Variants in SNAP47 observed in about 807,000 individuals in gnomAD.
The protein encoded by SNAP47 is synaptosome associated protein 47.
A neutral mutation model predicts 31.4 loss-of-function variants in SNAP47; 20 were observed. The ratio of observed to expected loss-of-function variants is 0.64; its 90% confidence interval spans 0.45 to 0.93. The LOEUF (loss-of-function observed/expected upper bound fraction) is 0.93. SNAP47 is among the 40% of genes least tolerant of loss of function. The pLI is 0.00. For missense variants in SNAP47, 492 were observed against 528.5 expected (o/e 0.93, Z 0.68); for synonymous variants, 194 against 213.4 (o/e 0.91, Z 0.79).
chr1:227,769,899 T>G (rs1032228348), intron 4 of SNAP47, among the ~76,000 whole-genome samples: 28 of 152,170 alleles, frequency 1.8e-4, no homozygotes, highest in African/African-American at 6.5e-4. Flanking sequence ...GCCTCATCTG[T>G]CTTGTCCTGC....
At chr1:227,735,255 C>A (rs776321470), upstream of SNAP47, 280 of 1,602,842 alleles carry the variant, frequency 1.7e-4, 1 homozygote, top group Admixed American at 2.4e-4. Context: ...TCGGCGAGGG[C>A]GCGCGTCTCG....
In SNAP47 at chr1:227,748,016, A is replaced by G. The variant is rs775142423; in HGVS notation, c.280A>G (p.Ile94Val). The G allele has an allele frequency of 1.2e-6, 2 of 1,614,232 alleles. No homozygotes were observed. The highest frequency in any genetic ancestry group is 1.7e-6 in the Non-Finnish European group (2 of 1,180,032). Residue 94 changes from isoleucine (I) to valine (V), a missense_variant, in exon 2 of 5, where the codon ATC becomes GTC. Ile to Val is a conservative substitution (Grantham distance 29). Transcript: ENST00000617596. ...RPSRNVVFSI[I>V]EHFWRELLLS... ...AAGTCGAAATGTGGTCTTCAGCATCATCGAGCATTTCTGGAGGGAGCTGCT... is the reference window on the plus strand; with the variant it reads ...AAGTCGAAATGTGGTCTTCAGCATCGTCGAGCATTTCTGGAGGGAGCTGCT...
chr1:227,744,947 C>T (rs763740097), intron 1 of SNAP47, among the ~76,000 whole-genome samples: 11 of 152,136 alleles, frequency 7.2e-5, no homozygotes, highest in Non-Finnish European at 1.6e-4. Flanking sequence ...TTGCCTGAGC[C>T]CACAGCCTTG....
intron 1 of SNAP47, among the ~76,000 whole-genome samples, chr1:227,740,830 T>C (rs982828054): frequency 2.6e-5 from 4 of 152,040 alleles, no homozygotes; most frequent in South Asian, 2.1e-4. Flanking sequence ...CTGGTGCTGC[T>C]ACACTGGGGT....
At position 227,762,945 on chromosome 1, in the gene SNAP47, C is replaced by T. The variant is rs1184822574; in HGVS notation, c.988+3460C>T. 3.3e-5 allele frequency among the ~76,000 whole-genome samples: 5 copies of T among 152,106 alleles called. No individual in the cohort carries two copies. The highest frequency in any genetic ancestry group is 4.8e-5 in the African/African-American group (2 of 41,418). On this transcript the variant is annotated intron_variant, in intron 3 of 4. Transcript: ENST00000617596. This position sits in a 1 kb window ranked among gnomAD's most constrained non-coding sequence, Gnocchi z 4.2. ...TACCAAGGGACATGCACAGTATTTT[C>T]TTTTTCTTTTTATTTATTTTTTTCT...
chr1:227,771,770 T>C (rs1663828379), intron 4 of SNAP47, among the ~76,000 whole-genome samples: 1 of 151,396 alleles, frequency 6.6e-6, no homozygotes, highest in Admixed American at 6.6e-5. Context: ...GACCCTGGGC[T>C]GAGCAGGGCC....
At chr1:227,740,310 G>A (rs1413066190) in intron 1 of SNAP47, among the ~76,000 whole-genome samples, 2 of 152,208 alleles carry the variant, frequency 1.3e-5, no homozygotes, top group Admixed American at 6.5e-5. Flanking sequence ...AAGGAACTTG[G>A]ATCTCATTCC....
intron 1 of SNAP47, among the ~76,000 whole-genome samples, chr1:227,738,644 A>C (rs771421259): frequency 1.8e-4 from 27 of 152,200 alleles, no homozygotes; most frequent in Non-Finnish European, 3.1e-4. Flanking sequence ...TGATCTTGCC[A>C]CATATTGTTC....
intron 1 of SNAP47, among the ~76,000 whole-genome samples, chr1:227,738,117 C>T (rs986704765): frequency 6.6e-6 from 1 of 152,168 alleles, no homozygotes; most frequent in Non-Finnish European, 1.5e-5. Flanking sequence ...TCTTGGCTCA[C>T]TGCAACCTCC....
chr1:227,759,247 T>G lies in SNAP47; in HGVS notation c.750T>G (p.Phe250Leu), dbSNP rs773527893. 6.2e-7 allele frequency: 1 copy of G among 1,614,206 alleles called. No homozygotes were observed. The highest frequency in any genetic ancestry group is 1.1e-5 in the South Asian group (1 of 91,084). ...HDSSSLLMHR[F>L]EREDVDDIKV... ...CCAGTTCTTTGCTCATGCACAGGTT[T>G]GAAAGAGAAGACGTGGACGACATCA... Residue 250 changes from phenylalanine to leucine, a missense_variant, in exon 3 of 5, where the codon TTT (phenylalanine) becomes TTG (leucine). Transcript: ENST00000617596.
At chr1:227,766,651 A>G (rs562980982) in intron 3 of SNAP47, among the ~76,000 whole-genome samples, 5 of 152,342 alleles carry the variant, frequency 3.3e-5, no homozygotes, top group South Asian at 2.1e-4. Flanking sequence ...CCAGAGTTCA[A>G]TGATTCTTGT....
intron 3 of SNAP47, among the ~76,000 whole-genome samples, chr1:227,764,993 C>A (rs1470720095): frequency 6.6e-6 from 1 of 152,182 alleles, no homozygotes; most frequent in African/African-American, 2.4e-5. Flanking sequence ...GAGGATCACT[C>A]GAGCCAGGAG....
chr1:227,734,464 T>C (rs1660924621), upstream of SNAP47: 1 of 524,110 alleles, frequency 1.9e-6, no homozygotes, highest in South Asian at 3.5e-5. Context: ...AAAAACCATA[T>C]TGACCTCCCA....
intron 2 of SNAP47, 66 bp downstream of exon 2, chr1:227,748,299 A>G: frequency 1.4e-6 from 2 of 1,451,902 alleles, no homozygotes; most frequent in Non-Finnish European, 1.8e-6. Flanking sequence ...GGAGGCTCAC[A>G]GGCACTGTTC....
At chr1:227,749,768 C>T (rs1047963738) in intron 2 of SNAP47, among the ~76,000 whole-genome samples, 12 of 123,682 alleles carry the variant, frequency 9.7e-5, no homozygotes, top group Non-Finnish European at 1.3e-4. Flanking sequence ...GTCTGTGTGT[C>T]GTCTGTATGT....
chr1:227,758,341 G>A (rs745856091), intron 2 of SNAP47, among the ~76,000 whole-genome samples: 3 of 152,324 alleles, frequency 2.0e-5, no homozygotes, highest in African/African-American at 4.8e-5. Context: ...GACGTGCCGG[G>A]TTCTCCTCAG....
At chr1:227,768,330 A>G (rs932780156) in intron 4 of SNAP47, 67 of 985,296 alleles carry the variant, frequency 6.8e-5, no homozygotes, top group Non-Finnish European at 7.7e-5. Context: ...CACGCAGGGC[A>G]TGGGCTCCCC....
intron 2 of SNAP47, among the ~76,000 whole-genome samples, chr1:227,754,313 C>T (rs1474028131): frequency 6.6e-6 from 1 of 152,216 alleles, no homozygotes; most frequent in Non-Finnish European, 1.5e-5. Flanking sequence ...GAGGTCTGGC[C>T]ACCTGTGTGT....
chr1:227,733,405 G>A (rs1484694095), upstream of SNAP47: 2 of 1,568,958 alleles, frequency 1.3e-6, no homozygotes, highest in Non-Finnish European at 1.7e-6. Context: ...AGGAGAAGCA[G>A]CACATTACCA....
Sources: gnomAD v4.1 joint callset for allele counts (sites outside exome capture counted in the v4.1 genomes callset) on GRCh38, gnomAD v4.1.1 for gene constraint, Gnocchi (gnomAD v3.1) non-coding constraint, MANE v1.5 for transcripts, NCBI Gene and HGNC (gene_info 2026-07-23, HGNC 2026-07-21) for gene names.